ACAD10: variants seen among roughly 807,000 people sequenced by gnomAD.
ACAD10 encodes acyl-CoA dehydrogenase family member 10.
A neutral mutation model predicts 116.8 loss-of-function variants in ACAD10; 112 were observed. The ratio of observed to expected loss-of-function variants is 0.96; its 90% CI spans 0.82 to 1.12. The LOEUF (loss-of-function observed/expected upper bound fraction) is 1.12. Ranked by LOEUF, ACAD10 falls within the 50% of genes most tolerant of loss-of-function variation. The probability of loss-of-function intolerance (pLI) is 0.00; values close to 1 mark genes in which losing one functional copy is unlikely to be tolerated. For missense variants in ACAD10, 1,259 were observed against 1,350.2 expected (o/e 0.93, Z 1.06); for synonymous variants, 486 against 510.6 (o/e 0.95, Z 0.65).
At chr12:111,721,861 T>G in intron 8 of ACAD10, 122 bp downstream of exon 8, 1 of 655,474 alleles carries the variant, frequency 1.5e-6, no homozygotes, top group East Asian at 2.9e-5. Flanking sequence ...AAAGAAACTT[T>G]ATCACAACCT....
At chr12:111,748,967 C>T in intron 17 of ACAD10, 2 of 1,545,734 alleles carry the variant, frequency 1.3e-6, no homozygotes, top group South Asian at 2.3e-5. Flanking sequence ...ACAGAATAGT[C>T]ATTTGCCATT....
chr12:111,750,335 T>C (rs900468675), intron 18 of ACAD10, among the ~76,000 whole-genome samples: 1 of 148,880 alleles, frequency 6.7e-6, no homozygotes, highest in Non-Finnish European at 1.5e-5. Flanking sequence ...TTAGCCAGGA[T>C]GGTCTCGATC....
At chr12:111,742,059 A>G (rs1294617190) in intron 12 of ACAD10, among the ~76,000 whole-genome samples, 1 of 152,198 alleles carries the variant, frequency 6.6e-6, no homozygotes, top group East Asian at 1.9e-4. Flanking sequence ...CTGAAATTCT[A>G]TAAAGTGCTT....
At chr12:111,736,505 C>T (rs1437507918) in intron 11 of ACAD10, among the ~76,000 whole-genome samples, 1 of 152,146 alleles carries the variant, frequency 6.6e-6, no homozygotes, top group African/African-American at 2.4e-5. Context: ...ATCGCTCTTT[C>T]CATATCATTT....
intron 3 of ACAD10, among the ~76,000 whole-genome samples, chr12:111,702,560 T>A (rs1015777692): frequency 1.3e-5 from 2 of 151,936 alleles, no homozygotes; most frequent in African/African-American, 4.8e-5. Context: ...TGAAACCCCG[T>A]TTCTACTAAA....
intron 3 of ACAD10, 77 bp from the exon 4 acceptor site, chr12:111,705,661 A>ATTTTTTT: frequency 2.4e-6 from 3 of 1,232,756 alleles, no homozygotes; most frequent in Admixed American, 2.3e-5. Context: ...AGGAATAAGC[A>ATTTTTTT]TTTTTTTTTT....
At chr12:111,737,209 G>C (rs1241007849) in intron 12 of ACAD10, among the ~76,000 whole-genome samples, 1 of 152,120 alleles carries the variant, frequency 6.6e-6, no homozygotes, top group Non-Finnish European at 1.5e-5. Context: ...TTGAGACAGG[G>C]TCTTGCTTTG....
chr12:111,714,716 A>G (rs1470269264), intron 6 of ACAD10, among the ~76,000 whole-genome samples: 3 of 151,502 alleles, frequency 2.0e-5, no homozygotes, highest in Non-Finnish European at 4.4e-5. Context: ...ATTAAATTAA[A>G]TTAAATTTTT....
chr12:111,713,809 C>T (rs1407740283), intron 6 of ACAD10, among the ~76,000 whole-genome samples: 8 of 150,450 alleles, frequency 5.3e-5, no homozygotes, highest in East Asian at 2.0e-4. Context: ...TTTTGGCGGG[C>T]GCCTGTAATC....
intron 1 of ACAD10, among the ~76,000 whole-genome samples, chr12:111,691,538 C>G (rs970884541): frequency 6.6e-6 from 1 of 151,552 alleles, no homozygotes; most frequent in African/African-American, 2.4e-5. Context: ...ATGTGTATGT[C>G]CAGATCATCC....
chr12:111,698,364 C>T (rs1335918742), intron 2 of ACAD10, among the ~76,000 whole-genome samples: 3 of 147,242 alleles, frequency 2.0e-5, no homozygotes, highest in East Asian at 4.0e-4. Context: ...GTCTCGAACT[C>T]CTAGTCTAAA....
At position 111,749,510 on chromosome 12, in the gene ACAD10, T is replaced by G. The variant is rs915078545; in HGVS notation, c.2817+165T>G. ...CCTGTCTGCTTTGCATCTGCTACTT[T>G]GCTGCAGTTTGGATTCAGAGCAGAA... On this transcript the variant is annotated intron_variant, in intron 18 of 20. Transcript: ENST00000313698. 4 of 935,806 alleles carry G rather than the reference T, an allele frequency of 4.3e-6. No individual in the cohort carries two copies. The African/African-American group carries it at 5.0e-5, about 12-fold the overall frequency. 58.0% of individuals were successfully genotyped at this position (935,806 alleles called of 1,614,324 possible). A position where few individuals can be genotyped will look rare whatever the true frequency, so the allele number is the denominator to read the frequency against.
intron 11 of ACAD10, 51 bp downstream of exon 11, chr12:111,734,119 A>G (rs1028634179): frequency 6.2e-7 from 1 of 1,610,696 alleles, no homozygotes; most frequent in Non-Finnish European, 8.5e-7. Flanking sequence ...TTCTCCAAGC[A>G]TTTGGGAGCA....
intron 16 of ACAD10, 182 bp downstream of exon 16, chr12:111,747,567 C>T: frequency 7.0e-7 from 1 of 1,428,184 alleles, no homozygotes; most frequent in Non-Finnish European, 9.2e-7. Context: ...GCACACTGTT[C>T]TCAGAGGTGG....
chr12:111,723,445 G>A (rs1282722073), intron 8 of ACAD10, among the ~76,000 whole-genome samples: 2 of 138,674 alleles, frequency 1.4e-5, no homozygotes, highest in Non-Finnish European at 1.6e-5. Context: ...CCTCCTGGAC[G>A]GGGCAGCTGG....
intron 2 of ACAD10, 133 bp downstream of exon 2, chr12:111,693,029 A>T (rs978764958): frequency 1.9e-4 from 189 of 980,986 alleles, no homozygotes; most frequent in Non-Finnish European, 2.7e-4. Flanking sequence ...CTCGAGTCGA[A>T]TTCCAAGCAC....
At chr12:111,750,728 A>T (rs1398389120) in intron 18 of ACAD10, among the ~76,000 whole-genome samples, 1 of 151,826 alleles carries the variant, frequency 6.6e-6, no homozygotes, top group East Asian at 1.9e-4. Flanking sequence ...TAATCCTACC[A>T]CCCCCAAAGT....
In ACAD10 at chr12:111,744,960, G is replaced by A. The variant is rs539997388; in HGVS notation, c.2032G>A (p.Val678Met). The change falls in exon 13 of 21, where the codon GTG (valine) becomes ATG (methionine). Residue 678 changes from valine to methionine, a missense_variant. Coordinates refer to ENST00000313698, the MANE Select transcript of ACAD10 (RefSeq NM_025247.6). The part of the protein sequence containing the change: ...HRLKHFMEQR[V>M]YPAEPELQSH... Reference sequence around the variant, plus strand: ...GCTGAAGCACTTCATGGAGCAACGTGTGTACCCTGCAGAGCCAGAGCTGCA... The same window carrying A: ...GCTGAAGCACTTCATGGAGCAACGTATGTACCCTGCAGAGCCAGAGCTGCA... 4 of 1,614,148 alleles carry A rather than the reference G, an allele frequency of 2.5e-6. No homozygotes were observed. The highest frequency in any genetic ancestry group is 2.2e-5 in the South Asian group (2 of 91,088).
At chr12:111,691,149 C>G (rs1280887640) in intron 1 of ACAD10, 1 of 152,096 alleles carries the variant, frequency 6.6e-6, no homozygotes, top group Non-Finnish European at 1.5e-5. Flanking sequence ...TTGGTTTTCT[C>G]TATACACGAG....
Sources: allele counts gnomAD v4.1 joint callset (sites outside exome capture counted in the v4.1 genomes callset), GRCh38; gene constraint gnomAD v4.1.1; transcripts MANE v1.5; gene names NCBI Gene and HGNC (gene_info 2026-07-23, HGNC 2026-07-21).